SHROOM2: variants seen among roughly 807,000 people sequenced by gnomAD.
SHROOM2 encodes protein Shroom2.
SHROOM2 carries 33 observed loss-of-function variants against 75.9 expected under a neutral mutation model. The observed-to-expected ratio is 0.43, with a 90% CI of 0.33 to 0.58. The LOEUF (loss-of-function observed/expected upper bound fraction) is 0.58, where lower values mean the gene tolerates loss of function less well. Ranked by LOEUF, SHROOM2 falls within the 20% of genes least tolerant of loss-of-function variation. The pLI, the probability that SHROOM2 is intolerant of heterozygous loss-of-function variation, is 0.04. For missense variants in SHROOM2, 1,434 were observed against 1,461.2 expected (o/e 0.98, Z 0.30); for synonymous variants, 655 against 663.6 (o/e 0.99, Z 0.20).
Position 9,896,040 on chromosome X carries a change from C to G in SHROOM2, c.2132C>G (p.Pro711Arg), listed in dbSNP as rs765077906. The change falls in exon 4 of 10, where the codon CCG (proline) becomes CGG (arginine). Residue 711 changes from proline to arginine, a missense_variant. Coordinates refer to ENST00000380913, the MANE Select transcript of SHROOM2 (RefSeq NM_001649.4). ...GACCCCAACCCAGGAGACCTATACC[C>G]GGAGTCACTGGAACACCGGATGGGG... The part of the protein sequence containing the change: ...DLDPNPGDLY[P>R]ESLEHRMGDP... 11 of 1,209,478 alleles carry G rather than the reference C, an allele frequency of 9.1e-6. No individual in the cohort carries two copies. The highest frequency in any genetic ancestry group is 1.2e-5 in the Non-Finnish European group (11 of 895,129).
intron 1 of SHROOM2, among the ~76,000 whole-genome samples, chrX:9,797,138 CAG>C (rs760837679): frequency 4.2e-4 from 47 of 112,497 alleles, no homozygotes; most frequent in African/African-American, 1.4e-3. Flanking sequence ...CTCCTCCTCT[CAG>C]ACACTGTTGG....
chrX:9,900,167 G>T (rs1379022539), intron 5 of SHROOM2, among the ~76,000 whole-genome samples: 1 of 111,103 alleles, frequency 9.0e-6, no homozygotes, highest in Non-Finnish European at 1.9e-5. Flanking sequence ...CTGCTTTTGA[G>T]CTACCAACCC....
chrX:9,827,823 T>A (rs2083895962), intron 1 of SHROOM2, among the ~76,000 whole-genome samples: 1 of 109,131 alleles, frequency 9.2e-6, no homozygotes, highest in African/African-American at 3.3e-5. Flanking sequence ...CGGGTCGGGG[T>A]GGTTGGGCTG....
At position 9,890,874 on chromosome X, in the gene SHROOM2, C is replaced by T. The variant is rs886637342; in HGVS notation, c.318-103C>T. 3.0e-5 allele frequency: 25 copies of T among 845,562 alleles called. No homozygotes were observed. The South Asian group carries it at 3.4e-4, about 12-fold the overall frequency. The allele number at this position is 845,562 out of a possible 1,213,427, so 69.7% of individuals were successfully genotyped here. A position where few individuals can be genotyped will look rare whatever the true frequency, so the allele number is the denominator to read the frequency against. Reference sequence around the variant, plus strand: ...AGCCCCCTGCACTGTTTGGCACGAGCGTGTGCCCTGTGTGCGGTCCCCAAG... The same window carrying T: ...AGCCCCCTGCACTGTTTGGCACGAGTGTGTGCCCTGTGTGCGGTCCCCAAG... On this transcript the variant is annotated intron_variant, in intron 2 of 9. Transcript: ENST00000380913.
chrX:9,927,878 G>A (rs778247294), intron 5 of SHROOM2, among the ~76,000 whole-genome samples: 1 of 111,201 alleles, frequency 9.0e-6, no homozygotes. Context: ...GGGCAGGACT[G>A]GGGGAGCTGA....
chrX:9,790,166 A>G (rs1209623298), intron 1 of SHROOM2, among the ~76,000 whole-genome samples: 1 of 112,165 alleles, frequency 8.9e-6, no homozygotes, highest in Non-Finnish European at 1.9e-5. Context: ...CAGAGGGCAC[A>G]GGGCTGAGAC....
chrX:9,849,407 A>G (rs1229239714), intron 1 of SHROOM2, among the ~76,000 whole-genome samples: 1 of 111,589 alleles, frequency 9.0e-6, no homozygotes, highest in African/African-American at 3.3e-5. Flanking sequence ...CATGGGATTG[A>G]TTTTAGAGGC....
chrX:9,940,669 G>A (rs1330168787), intron 8 of SHROOM2, among the ~76,000 whole-genome samples: 5 of 112,488 alleles, frequency 4.4e-5, no homozygotes, highest in South Asian at 3.6e-4. Context: ...CTGCTTTCCC[G>A]CAGCCACACG....
At chrX:9,887,268 G>A (rs926458001) in intron 2 of SHROOM2, among the ~76,000 whole-genome samples, 12 of 112,565 alleles carry the variant, frequency 1.1e-4, no homozygotes, top group African/African-American at 3.9e-4. Context: ...ATCGGTGCAT[G>A]GGGATGATTC....
intron 5 of SHROOM2, among the ~76,000 whole-genome samples, chrX:9,923,450 G>C (rs917156878): frequency 3.5e-5 from 4 of 112,763 alleles, no homozygotes; most frequent in African/African-American, 9.7e-5. Context: ...GGGTAAGAAA[G>C]TGGGAGGTTG....
At chrX:9,938,605 G>A (rs887486324) in intron 7 of SHROOM2, among the ~76,000 whole-genome samples, 7 of 112,420 alleles carry the variant, frequency 6.2e-5, no homozygotes, top group Admixed American at 9.4e-5. Flanking sequence ...CTGAACAAAT[G>A]TATTTTAATT....
chrX:9,864,515 C>G (rs952186581), intron 1 of SHROOM2, among the ~76,000 whole-genome samples: 2 of 111,178 alleles, frequency 1.8e-5, no homozygotes, highest in African/African-American at 6.5e-5. Flanking sequence ...GACCTCGTCT[C>G]TACAAAAAAT....
intron 1 of SHROOM2, among the ~76,000 whole-genome samples, chrX:9,840,571 C>A (rs919641604): frequency 8.9e-6 from 1 of 112,142 alleles, no homozygotes; most frequent in African/African-American, 3.2e-5. Flanking sequence ...GCCTGGCCTG[C>A]TATTTTCACA....
intron 5 of SHROOM2, among the ~76,000 whole-genome samples, chrX:9,910,816 CAAAA>C (rs201958775): frequency 8.4e-5 from 8 of 95,630 alleles, no homozygotes; most frequent in African/African-American, 3.1e-4. Flanking sequence ...GACTCCATCT[CAAAA>C]AAAAAAAAGT....
At chrX:9,795,764 ATGTTTT>A (rs2083692033) in intron 1 of SHROOM2, among the ~76,000 whole-genome samples, 1 of 108,147 alleles carries the variant, frequency 9.2e-6, no homozygotes, top group African/African-American at 3.4e-5. Context: ...GGAGGCGGCC[ATGTTTT>A]TGTCAGATAC....
At position 9,937,434 on chromosome X, in the gene SHROOM2, C is replaced by A. The variant is rs200451659; in HGVS notation, c.3888C>A (p.Thr1296=). ...TQVPPEKDRC[T]SPPGLSYMKA... ...TGCCCCCCGAGAAAGACCGCTGCAC[C>A]TCCCCTCCAGGGCTCAGCTACATGA... is the stretch of plus-strand genomic sequence containing the variant. Residue 1296 remains threonine, a synonymous_variant, in exon 7 of 10, where the codon ACC becomes ACA. Transcript: ENST00000380913. The A allele has an allele frequency of 1.6e-5, 19 of 1,209,537 alleles. No individual in the cohort carries two copies. The African/African-American group carries it at 2.4e-4, about 16-fold the overall frequency.
intron 5 of SHROOM2, among the ~76,000 whole-genome samples, chrX:9,899,698 G>A (rs1265637472): frequency 8.9e-6 from 1 of 112,335 alleles, no homozygotes; most frequent in Non-Finnish European, 1.9e-5. Flanking sequence ...AACCAAGAAT[G>A]CGTGGGTCAG....
chrX:9,914,067 G>GC (rs1306327763), intron 5 of SHROOM2, among the ~76,000 whole-genome samples: 84 of 22,187 alleles, frequency 3.8e-3, no homozygotes, highest in East Asian at 6.1e-3. Context: ...CCACCCCCCT[G>GC]CCCCCCCGCC....
rs1491319124 is a variant in SHROOM2, at chrX:9,792,105, A to AG, written c.165+5396dup. On this transcript the variant is annotated intron_variant, in intron 1 of 9. Transcript: ENST00000380913. ...AGAATAGAATAGAATAGAATAGAAT[A>AG]GAATAGAATAGAATAGAATAGAATA... Among the ~76,000 whole-genome samples, 2 of 17,961 alleles carry AG rather than the reference A, an allele frequency of 1.1e-4. 1 individual carries two copies. The highest frequency in any genetic ancestry group is 2.2e-3 in the Admixed American group (2 of 898). The allele number at this position is 17,961 out of a possible 115,157, so 15.6% of individuals were successfully genotyped here. A position where few individuals can be genotyped will look rare whatever the true frequency, so the allele number is the denominator to read the frequency against.
Sources: gnomAD v4.1 joint callset for allele counts (sites outside exome capture counted in the v4.1 genomes callset) on GRCh38, gnomAD v4.1.1 for gene constraint, MANE v1.5 for transcripts, NCBI Gene and HGNC (gene_info 2026-07-23, HGNC 2026-07-21) for gene names.